Variants in LUZP1 observed in about 807,000 individuals in gnomAD.
The protein encoded by LUZP1 is leucine zipper protein 1, also known as filamin mechanobinding actin cross-linking protein.
LUZP1 carries 25 observed loss-of-function variants against 71.3 expected under a neutral mutation model. That is an observed-to-expected ratio of 0.35 (90% CI 0.26 to 0.49). The LOEUF (loss-of-function observed/expected upper bound fraction) is 0.49. Among genes scored for constraint, LUZP1 ranks in the 20% least tolerant of loss-of-function variants. LUZP1 has a pLI of 0.99. For missense variants in LUZP1, 1,142 were observed against 1,300.8 expected, an observed-to-expected ratio of 0.88 and a Z score of 1.88; for synonymous variants, 481 against 506.4, an observed-to-expected ratio of 0.95 and a Z score of 0.67.
chr1:23,119,335 T>C (rs1355213750), intron 2 of LUZP1, among the ~76,000 whole-genome samples: 2 of 137,116 alleles, frequency 1.5e-5, no homozygotes, highest in Admixed American at 8.2e-5. Flanking sequence ...CACAGCTCAC[T>C]ATAACCTCGA....
chr1:23,127,399 C>A (rs1644180425), intron 2 of LUZP1, among the ~76,000 whole-genome samples: 1 of 152,166 alleles, frequency 6.6e-6, no homozygotes, highest in South Asian at 2.1e-4. Context: ...CTGCACTAAG[C>A]CTGGCACACA....
At chr1:23,102,820 AAAAGC>A (rs1168449648) in intron 3 of LUZP1, among the ~76,000 whole-genome samples, 1 of 152,220 alleles carries the variant, frequency 6.6e-6, no homozygotes, top group Non-Finnish European at 1.5e-5. Flanking sequence ...TAAAAATTTA[AAAAGC>A]AAAAGACAGT....
intron 1 of LUZP1, among the ~76,000 whole-genome samples, chr1:23,173,086 G>C (rs1229515711): frequency 6.6e-6 from 1 of 151,260 alleles, no homozygotes; most frequent in Non-Finnish European, 1.5e-5. Context: ...CTCCCAAAGT[G>C]CTAGGATTAC....
At chr1:23,168,796 C>G (rs1374045310) in exon 2 of LUZP1, 1 of 152,978 alleles carries the variant, frequency 6.5e-6, no homozygotes, top group Non-Finnish European at 1.5e-5. Context: ...CTCCCGCCAG[C>G]GAAGGGTTCC....
At chr1:23,129,505 G>A (rs973172496) in intron 2 of LUZP1, among the ~76,000 whole-genome samples, 7 of 152,060 alleles carry the variant, frequency 4.6e-5, no homozygotes, top group South Asian at 4.1e-4. Flanking sequence ...TGCTTGAACC[G>A]GGGAGGCGGA....
intron 3 of LUZP1, among the ~76,000 whole-genome samples, chr1:23,099,968 T>C (rs1643918380): frequency 6.6e-6 from 1 of 152,202 alleles, no homozygotes; most frequent in Admixed American, 6.5e-5. Flanking sequence ...TTCCTTCTCA[T>C]TTCTTCAGAT....
intron 2 of LUZP1, among the ~76,000 whole-genome samples, chr1:23,139,095 A>G (rs1358185236): frequency 7.0e-6 from 1 of 143,874 alleles, no homozygotes; most frequent in East Asian, 2.0e-4. Flanking sequence ...GTATATATAT[A>G]GATTATATAT....
chr1:23,120,865 G>A (rs1006501473), intron 2 of LUZP1, among the ~76,000 whole-genome samples: 6 of 152,152 alleles, frequency 3.9e-5, no homozygotes, highest in African/African-American at 1.4e-4. Flanking sequence ...TCTTGCTTCA[G>A]TGCCCAAAAG....
intron 2 of LUZP1, among the ~76,000 whole-genome samples, chr1:23,128,700 T>C (rs1306862536): frequency 6.6e-6 from 1 of 152,232 alleles, no homozygotes; most frequent in East Asian, 1.9e-4. Flanking sequence ...AAGTCTCCAA[T>C]AGCAGAGAAC....
chr1:23,171,696 C>T (rs1484487365), intron 1 of LUZP1, among the ~76,000 whole-genome samples: 1 of 152,202 alleles, frequency 6.6e-6, no homozygotes, highest in Non-Finnish European at 1.5e-5. Context: ...TAAATTATAG[C>T]TTATTTTTAG....
downstream of LUZP1, chr1:23,083,647 G>GTT (rs1178609386): frequency 3.5e-5 from 7 of 200,620 alleles, no homozygotes; most frequent in Non-Finnish European, 2.0e-5. Context: ...TGGGGTTTTT[G>GTT]TTTTTTTTTT....
In LUZP1 at chr1:23,094,311, G is replaced by C. The variant is rs1643881955; in HGVS notation, c.-50C>G. 6.6e-7 allele frequency: 1 copy of C among 1,523,380 alleles called. No homozygotes were observed. Among genetic ancestry groups the C allele is most frequent in the Non-Finnish European group, 8.8e-7 (1 of 1,139,882 alleles). 94.4% of individuals were successfully genotyped at this position (1,523,380 alleles called of 1,614,324 possible). On this transcript the variant is annotated 5_prime_UTR_variant, in exon 4 of 5. Coordinates refer to ENST00000302291, the Ensembl canonical transcript of LUZP1. This position sits in a 1 kb window ranked among gnomAD's most constrained non-coding sequence, Gnocchi z 4.7. ...CCTAGAGGCATCCAATTCCACTCAA[G>C]GGGATGAGAAATGGTTACCTTTCTC...
chr1:23,108,415 C>T (rs1409666991), intron 3 of LUZP1, among the ~76,000 whole-genome samples: 1 of 60,508 alleles, frequency 1.7e-5, no homozygotes, highest in Non-Finnish European at 3.1e-5. Flanking sequence ...TTGAGACCAG[C>T]CTGGACAATA....
chr1:23,140,117 T>C (rs1462020023), intron 2 of LUZP1, among the ~76,000 whole-genome samples: 1 of 152,012 alleles, frequency 6.6e-6, no homozygotes, highest in African/African-American at 2.4e-5. Context: ...TGGTGTTTCC[T>C]CCAGGAGTCC....
At chr1:23,130,527 T>TTTTC (rs1322630453) in intron 2 of LUZP1, among the ~76,000 whole-genome samples, 2 of 144,082 alleles carry the variant, frequency 1.4e-5, no homozygotes, top group East Asian at 4.0e-4. Flanking sequence ...ACAGTTATCT[T>TTTTC]TTTTTTTTTT....
chr1:23,158,538 T>C (rs1644438488), intron 2 of LUZP1, among the ~76,000 whole-genome samples: 1 of 149,902 alleles, frequency 6.7e-6, no homozygotes, highest in Non-Finnish European at 1.5e-5. Context: ...TCCCAGCCAC[T>C]TGAGAGGCTG....
intron 2 of LUZP1, among the ~76,000 whole-genome samples, chr1:23,121,161 C>A (rs560517168): frequency 1.3e-5 from 2 of 152,344 alleles, no homozygotes; most frequent in Middle Eastern, 6.8e-3. Context: ...CAATGGGGAG[C>A]TGTAAACCCT....
exon 5 of LUZP1, chr1:23,085,843 C>G (rs1038471139): frequency 3.9e-5 from 6 of 152,142 alleles, no homozygotes; most frequent in Admixed American, 1.3e-4. Context: ...GGTTTAGTAT[C>G]AGAGTGGCAA....
At chr1:23,129,380 G>A (rs532306598) in intron 2 of LUZP1, among the ~76,000 whole-genome samples, 1 of 152,260 alleles carries the variant, frequency 6.6e-6, no homozygotes, top group South Asian at 2.1e-4. Flanking sequence ...TCAGGAGTTC[G>A]AGACCAGCCT....
Sources: allele counts gnomAD v4.1 joint callset (sites outside exome capture counted in the v4.1 genomes callset), GRCh38; gene constraint gnomAD v4.1.1; non-coding constraint Gnocchi (gnomAD v3.1); transcripts MANE v1.5; gene names NCBI Gene and HGNC (gene_info 2026-07-23, HGNC 2026-07-21).